FLI1: variants seen among roughly 807,000 people sequenced by gnomAD.
FLI1 encodes the protein Fli-1 proto-oncogene, ETS transcription factor.
In FLI1, 13 loss-of-function variants were observed where a neutral mutation model predicts 53.1. The ratio of observed to expected loss-of-function variants is 0.24; its 90% CI spans 0.16 to 0.39. The LOEUF is 0.39. Ranked by LOEUF, FLI1 falls within the 10% of genes least tolerant of loss-of-function variation. The pLI is 1.00. For missense variants in FLI1, 424 were observed against 600.5 expected (o/e 0.71, Z 3.07); for synonymous variants, 244 against 236.7 (o/e 1.03, Z -0.28).
chr11:128,694,411 C>T (rs777111125), intron 1 of FLI1, 135 bp downstream of exon 1: 3 of 694,306 alleles, frequency 4.3e-6, no homozygotes, highest in Non-Finnish European at 6.2e-6. Flanking sequence ...TTCGCGCCGG[C>T]TCCTCCGGCG....
At chr11:128,754,235 ATG>A (rs57171401) in intron 1 of FLI1, among the ~76,000 whole-genome samples, 30,820 of 145,504 alleles carry the variant, frequency 0.21, 3,613 homozygotes, top group Admixed American at 0.34. Flanking sequence ...TAGAAGGGGG[ATG>A]TGTGTGTGTG....
chr11:128,686,831 G>C (rs1195319048), intron 1 of FLI1: 1 of 229,648 alleles, frequency 4.4e-6, no homozygotes, highest in East Asian at 1.2e-4. Flanking sequence ...TCGGCTCGTG[G>C]ATCTCAAGCT....
intron 5 of FLI1, among the ~76,000 whole-genome samples, chr11:128,790,584 A>G (rs1942242939): frequency 6.6e-6 from 1 of 152,196 alleles, no homozygotes; most frequent in Admixed American, 6.5e-5. Context: ...GCGAACTGCT[A>G]TTGCACACGT....
At chr11:128,703,841 T>TTA in intron 1 of FLI1, among the ~76,000 whole-genome samples, 1 of 19,196 alleles carries the variant, frequency 5.2e-5, no homozygotes. Flanking sequence ...AGACTCCGTC[T>TTA]CAAAAAAAAA....
chr11:128,687,618 G>A (rs1937603016), intron 1 of FLI1, among the ~76,000 whole-genome samples: 1 of 152,140 alleles, frequency 6.6e-6, no homozygotes, highest in Non-Finnish European at 1.5e-5. Flanking sequence ...CGGTCAGTGA[G>A]GCCCAGCTGA....
At chr11:128,750,361 C>A (rs956760486) in intron 1 of FLI1, among the ~76,000 whole-genome samples, 5 of 152,176 alleles carry the variant, frequency 3.3e-5, no homozygotes, top group African/African-American at 1.2e-4. Context: ...GCTTCTCAGG[C>A]CCCATGTCTT....
In FLI1 at chr11:128,705,154, A is replaced by G. The variant is rs1037626687; in HGVS notation, c.18+10878A>G. ...GGCTACGAGCCCATCTATGGGGACCATGTAGGTTTTGTTACTATTTGTTTT... is the reference window on the plus strand; with the variant it reads ...GGCTACGAGCCCATCTATGGGGACCGTGTAGGTTTTGTTACTATTTGTTTT... On this transcript the variant is annotated intron_variant, in intron 1 of 8. Coordinates refer to ENST00000527786, the MANE Select transcript of FLI1 (RefSeq NM_002017.5). Among the ~76,000 whole-genome samples, 44 of 152,236 alleles carry G rather than the reference A, an allele frequency of 2.9e-4. 1 individual carries two copies. The highest frequency in any genetic ancestry group is 1.1e-3 in the African/African-American group (44 of 41,462).
At chr11:128,737,508 C>T (rs1939958858) in intron 1 of FLI1, among the ~76,000 whole-genome samples, 1 of 152,154 alleles carries the variant, frequency 6.6e-6, no homozygotes, top group African/African-American at 2.4e-5. Context: ...TGTCTCCAAA[C>T]CATGAACTCA....
chr11:128,753,888 A>G (rs1001342072), intron 1 of FLI1, among the ~76,000 whole-genome samples: 9 of 151,228 alleles, frequency 6.0e-5, no homozygotes, highest in African/African-American at 2.2e-4. Context: ...GTACTTGCCA[A>G]GGGCATGGTC....
At chr11:128,790,128 G>A (rs537137457) in intron 5 of FLI1, among the ~76,000 whole-genome samples, 1 of 151,712 alleles carries the variant, frequency 6.6e-6, no homozygotes, top group South Asian at 2.1e-4. Flanking sequence ...CCAAAGGCAA[G>A]ATTTATGATT....
intron 2 of FLI1, 75 bp from the exon 3 acceptor site, chr11:128,768,043 C>A: frequency 1.5e-6 from 2 of 1,370,020 alleles, no homozygotes; most frequent in Non-Finnish European, 2.0e-6. Context: ...GAGCCCTGGG[C>A]TCATGATTCA....
At position 128,811,732 on chromosome 11, in the gene FLI1, T is replaced by C. The variant is rs1942942223; in HGVS notation, c.*744T>C. 1 of 203,450 alleles carries C rather than the reference T, an allele frequency of 4.9e-6. No homozygotes were observed. Among genetic ancestry groups the C allele is most frequent in the Admixed American group, 6.0e-5 (1 of 16,660 alleles). 12.6% of individuals were successfully genotyped at this position (203,450 alleles called of 1,614,324 possible). On this transcript the variant is annotated 3_prime_UTR_variant, in exon 9 of 9. Coordinates refer to ENST00000527786, the MANE Select transcript of FLI1 (RefSeq NM_002017.5). ...AAATGATGACAGTGGTCCCAGAACTTGGAAAAGTTGTAGGGATTTCTAAAC... is the reference window on the plus strand; with the variant it reads ...AAATGATGACAGTGGTCCCAGAACTCGGAAAAGTTGTAGGGATTTCTAAAC...
intron 5 of FLI1, among the ~76,000 whole-genome samples, chr11:128,784,261 TC>T (rs1942016408): frequency 3.0e-5 from 3 of 99,344 alleles, no homozygotes; most frequent in Admixed American, 1.2e-4. Context: ...CTCCTCCTCC[TC>T]CTCCTCCTGC....
intron 1 of FLI1, among the ~76,000 whole-genome samples, chr11:128,732,816 A>G (rs1191569005): frequency 6.6e-6 from 1 of 152,250 alleles, no homozygotes; most frequent in African/African-American, 2.4e-5. Context: ...TGGGCTTGAC[A>G]TGCCCTTGTT....
chr11:128,779,203 G>A (rs997466982), intron 4 of FLI1, among the ~76,000 whole-genome samples: 1 of 152,228 alleles, frequency 6.6e-6, no homozygotes, highest in African/African-American at 2.4e-5. Context: ...GTTTATCTAA[G>A]GTTCGTGCTT....
At chr11:128,707,757 G>T (rs573859061) in intron 1 of FLI1, among the ~76,000 whole-genome samples, 1 of 152,254 alleles carries the variant, frequency 6.6e-6, no homozygotes, top group South Asian at 2.1e-4. Flanking sequence ...TATCAGTTTG[G>T]ACAGGGTATG....
chr11:128,737,397 C>G (rs763477903), intron 1 of FLI1, among the ~76,000 whole-genome samples: 2 of 152,190 alleles, frequency 1.3e-5, no homozygotes, highest in African/African-American at 4.8e-5. Flanking sequence ...TCACAGCCCC[C>G]ACCACACCGG....
intron 1 of FLI1, among the ~76,000 whole-genome samples, chr11:128,744,065 A>C (rs981945807): frequency 1.3e-5 from 2 of 152,208 alleles, no homozygotes; most frequent in Non-Finnish European, 2.9e-5. Context: ...CCTCGTGTAG[A>C]GACCAGGCTG....
intron 1 of FLI1, among the ~76,000 whole-genome samples, chr11:128,708,637 T>TA (rs1032888440): frequency 2.0e-5 from 3 of 152,128 alleles, no homozygotes; most frequent in African/African-American, 7.2e-5. Flanking sequence ...ATGGATTTGG[T>TA]AAAAAACTGG....
Sources: allele counts gnomAD v4.1 joint callset (sites outside exome capture counted in the v4.1 genomes callset), GRCh38; gene constraint gnomAD v4.1.1; transcripts MANE v1.5; gene names NCBI Gene and HGNC (gene_info 2026-07-23, HGNC 2026-07-21).